Variants in LRRC37A observed in about 807,000 individuals in gnomAD.
LRRC37A encodes leucine rich repeat containing 37A, also known as leucine-rich repeat-containing protein 37A.
Under a neutral mutation model 35.4 loss-of-function variants are expected in LRRC37A, and 3 were observed. The observed-to-expected ratio is 0.08, with a 90% confidence interval of 0.04 to 0.22. LRRC37A has a LOEUF of 0.22. LRRC37A is among the 10% of genes least tolerant of loss of function. The pLI is 1.00. For missense variants in LRRC37A, 67 were observed against 565.3 expected (o/e 0.12, Z 8.94); for synonymous variants, 23 against 215.0 (o/e 0.11, Z 7.81).
chr17:46,272,867 C>T, the LRRC37A span, among the ~76,000 whole-genome samples: 1 of 152,212 alleles, frequency 6.6e-6, no homozygotes, highest in African/African-American at 2.4e-5. Flanking sequence ...TTCCTGGTCT[C>T]AGGATTTCCA....
chr17:46,281,231 C>A, the LRRC37A span, among the ~76,000 whole-genome samples: 1 of 152,118 alleles, frequency 6.6e-6, no homozygotes, highest in Non-Finnish European at 1.5e-5. Context: ...TTGCTCCCCC[C>A]ACCCCTCATA....
chr17:46,291,395 T>G (rs1170762707), upstream of LRRC37A, among the ~76,000 whole-genome samples: 18 of 151,852 alleles, frequency 1.2e-4, no homozygotes, highest in Non-Finnish European at 2.4e-4. Context: ...CTGCAGGCCT[T>G]CTAGACTCCA....
the LRRC37A span, among the ~76,000 whole-genome samples, chr17:46,282,038 T>A: frequency 1.3e-5 from 2 of 152,212 alleles, no homozygotes; most frequent in African/African-American, 4.8e-5. Flanking sequence ...ATTTATTTTT[T>A]AATTCCTTTG....
At chr17:46,251,488 C>T in the LRRC37A span, among the ~76,000 whole-genome samples, 1 of 151,986 alleles carries the variant, frequency 6.6e-6, no homozygotes, top group Admixed American at 6.6e-5. Context: ...AAACTCCCAA[C>T]CTTAGGTGAT....
chr17:46,288,420 T>C (rs1377419213), upstream of LRRC37A, among the ~76,000 whole-genome samples: 1 of 151,570 alleles, frequency 6.6e-6, no homozygotes, highest in African/African-American at 2.4e-5. Context: ...GCAATTCTCT[T>C]GCCTCAGCTT....
the LRRC37A span, among the ~76,000 whole-genome samples, chr17:46,248,311 A>G: frequency 1.3e-5 from 2 of 152,090 alleles, no homozygotes; most frequent in African/African-American, 4.8e-5. Context: ...TGACAAATGT[A>G]TAGTTACATA....
chr17:46,281,182 A>G, the LRRC37A span, among the ~76,000 whole-genome samples: 3 of 151,986 alleles, frequency 2.0e-5, no homozygotes, highest in Non-Finnish European at 4.4e-5. Context: ...GTCTTTTTCC[A>G]TTTGTCCACC....
chr17:46,288,906 T>A (rs1204454319), upstream of LRRC37A, among the ~76,000 whole-genome samples: 1 of 152,116 alleles, frequency 6.6e-6, no homozygotes, highest in Non-Finnish European at 1.5e-5. Context: ...GGTTTCACCA[T>A]GTTGGCCAGG....
the LRRC37A span, among the ~76,000 whole-genome samples, chr17:46,276,118 T>C: frequency 6.6e-6 from 1 of 152,218 alleles, no homozygotes; most frequent in South Asian, 2.1e-4. Flanking sequence ...CGCAAACTCC[T>C]GACCTCAGGT....
At chr17:46,266,878 G>A in the LRRC37A span, among the ~76,000 whole-genome samples, 5 of 148,576 alleles carry the variant, frequency 3.4e-5, no homozygotes, top group African/African-American at 1.2e-4. Flanking sequence ...CCGCGACGGA[G>A]GAAGCCCCGA....
At chr17:46,288,706 C>CTTTTTTTTTTTTTT (rs199591277), upstream of LRRC37A, among the ~76,000 whole-genome samples, 1 of 139,056 alleles carries the variant, frequency 7.2e-6, no homozygotes. Flanking sequence ...CTTGTTTTTT[C>CTTTTTTTTTTTTTT]TTTTTTTTTT....
chr17:46,281,191 C>T, the LRRC37A span, among the ~76,000 whole-genome samples: 37 of 152,192 alleles, frequency 2.4e-4, no homozygotes, highest in South Asian at 7.2e-3. Context: ...CATTTGTCCA[C>T]CTGGCTTATA....
chr17:46,287,903 G>A (rs1229740828), upstream of LRRC37A, among the ~76,000 whole-genome samples: 12 of 152,202 alleles, frequency 7.9e-5, no homozygotes, highest in African/African-American at 2.2e-4. Context: ...TGTAACAAAC[G>A]CTTATACAGT....
the LRRC37A span, among the ~76,000 whole-genome samples, chr17:46,264,479 G>GACAAACCA: frequency 6.6e-6 from 1 of 152,270 alleles, no homozygotes; most frequent in South Asian, 2.1e-4. Flanking sequence ...CAAACTCCCT[G>GACAAACCA]GGCTCTGGTT....
the LRRC37A span, among the ~76,000 whole-genome samples, chr17:46,266,638 G>A: frequency 6.6e-6 from 1 of 152,214 alleles, no homozygotes; most frequent in Admixed American, 6.5e-5. Context: ...GACAGCTAGA[G>A]CTTTCTGGCT....
At chr17:46,290,556 C>T (rs2050038616), upstream of LRRC37A, among the ~76,000 whole-genome samples, 2 of 152,214 alleles carry the variant, frequency 1.3e-5, no homozygotes, top group Non-Finnish European at 2.9e-5. Flanking sequence ...AAGTGATTCT[C>T]CTCCCTCAGC....
chr17:46,274,652 G>C, the LRRC37A span: 1 of 152,604 alleles, frequency 6.6e-6, no homozygotes, highest in Non-Finnish European at 1.5e-5. Flanking sequence ...CATCTTTTTT[G>C]CAACAATAAA....
intron 7 of LRRC37A, among the ~76,000 whole-genome samples, chr17:46,327,052 C>T (rs1243076406): frequency 1.2e-5 from 1 of 85,670 alleles, no homozygotes; most frequent in East Asian, 2.3e-4. Context: ...TAAAACATGC[C>T]TCTACTTTCT....
the LRRC37A span, among the ~76,000 whole-genome samples, chr17:46,254,261 A>G: frequency 6.6e-6 from 1 of 150,916 alleles, no homozygotes; most frequent in Non-Finnish European, 1.5e-5. Context: ...ATTCACATGA[A>G]GAATTTTTGC....
Sources: allele counts gnomAD v4.1 joint callset (sites outside exome capture counted in the v4.1 genomes callset), GRCh38; gene constraint gnomAD v4.1.1; transcripts MANE v1.5; gene names NCBI Gene and HGNC (gene_info 2026-07-23, HGNC 2026-07-21).